Variants in BANK1 observed in about 807,000 individuals in gnomAD.
The protein encoded by BANK1 is B cell scaffold protein with ankyrin repeats 1.
BANK1 carries 95 observed loss-of-function variants against 94.5 expected under a neutral mutation model. The ratio of observed to expected loss-of-function variants is 1.00; its 90% CI spans 0.85 to 1.19. BANK1 has a LOEUF of 1.19. BANK1 is among the 50% of genes most tolerant of loss of function. The probability of loss-of-function intolerance (pLI) is 0.00; values close to 1 mark genes in which losing one functional copy is unlikely to be tolerated. For synonymous variants in BANK1, 334 were observed against 308.4 expected, an observed-to-expected ratio of 1.08 and a Z score of -0.87; for missense variants, 987 against 932.2, an observed-to-expected ratio of 1.06 and a Z score of -0.77.
intron 4 of BANK1, among the ~76,000 whole-genome samples, chr4:101,867,392 C>T (rs1030244860): frequency 2.2e-4 from 34 of 151,752 alleles, no homozygotes; most frequent in Admixed American, 5.2e-4. Flanking sequence ...AGCAGACCTG[C>T]CCTGCAAGAA....
intron 1 of BANK1, among the ~76,000 whole-genome samples, chr4:101,822,494 G>T (rs1726199426): frequency 6.6e-6 from 1 of 151,964 alleles, no homozygotes; most frequent in Non-Finnish European, 1.5e-5. Context: ...TTATTCAAAT[G>T]CTCTAAAGTT....
intron 2 of BANK1, among the ~76,000 whole-genome samples, chr4:101,853,446 G>C (rs1727566553): frequency 6.6e-6 from 1 of 152,100 alleles, no homozygotes; most frequent in African/African-American, 2.4e-5. Flanking sequence ...CTTAGCCAAA[G>C]AGCACCAGGA....
chr4:101,959,721 G>A (rs1724499671), intron 7 of BANK1, among the ~76,000 whole-genome samples: 1 of 152,214 alleles, frequency 6.6e-6, no homozygotes, highest in Non-Finnish European at 1.5e-5. Flanking sequence ...GAATAGAAGT[G>A]ATGCCTGCTC....
chr4:102,071,230 A>G (rs1578493123), intron 13 of BANK1, 45 bp from the exon 14 acceptor site: 2 of 1,592,324 alleles, frequency 1.3e-6, no homozygotes, highest in African/African-American at 2.7e-5. Flanking sequence ...TTTAAGATAA[A>G]TATTGAACAA....
At chr4:102,066,952 T>C (rs1560718353) in intron 13 of BANK1, among the ~76,000 whole-genome samples, 1 of 152,144 alleles carries the variant, frequency 6.6e-6, no homozygotes, top group African/African-American at 2.4e-5. Context: ...GAATTATATG[T>C]TTCCAAAATT....
intron 1 of BANK1, among the ~76,000 whole-genome samples, chr4:101,793,633 C>T (rs1447330649): frequency 6.6e-6 from 1 of 152,098 alleles, no homozygotes; most frequent in African/African-American, 2.4e-5. Flanking sequence ...CAGATCTAGT[C>T]CCAGCTTCAT....
intron 7 of BANK1, among the ~76,000 whole-genome samples, chr4:102,010,030 G>T (rs1396658610): frequency 6.6e-6 from 1 of 152,140 alleles, no homozygotes; most frequent in Non-Finnish European, 1.5e-5. Context: ...ACTTTGGGAG[G>T]CTAAGGTGGG....
chr4:101,938,173 C>A (rs1462751139), intron 7 of BANK1, among the ~76,000 whole-genome samples: 1 of 151,652 alleles, frequency 6.6e-6, no homozygotes, highest in Non-Finnish European at 1.5e-5. Flanking sequence ...ACCACCATGG[C>A]ACGTGTATAC....
chr4:101,992,695 A>G (rs1725749012), intron 7 of BANK1, among the ~76,000 whole-genome samples: 1 of 152,208 alleles, frequency 6.6e-6, no homozygotes, highest in Non-Finnish European at 1.5e-5. Flanking sequence ...TAAATAAAGA[A>G]CAAGATGATA....
At chr4:102,051,010 A>G (rs1283689654) in intron 11 of BANK1, among the ~76,000 whole-genome samples, 3 of 152,184 alleles carry the variant, frequency 2.0e-5, no homozygotes, top group Non-Finnish European at 4.4e-5. Flanking sequence ...GTAGGGCAGG[A>G]GTGTGCCTAC....
At chr4:101,934,256 A>T (rs549896497) in intron 7 of BANK1, among the ~76,000 whole-genome samples, 12 of 151,382 alleles carry the variant, frequency 7.9e-5, no homozygotes, top group East Asian at 5.9e-4. Flanking sequence ...TTTTTTTTTT[A>T]AAAGACTGCA....
intron 4 of BANK1, among the ~76,000 whole-genome samples, chr4:101,865,125 A>G (rs914616311): frequency 2.6e-5 from 4 of 152,120 alleles, no homozygotes; most frequent in Non-Finnish European, 5.9e-5. Flanking sequence ...ATTAGTTCAA[A>G]GTATGCAGCA....
intron 7 of BANK1, among the ~76,000 whole-genome samples, chr4:101,933,615 CAAAG>C (rs935753980): frequency 6.6e-6 from 1 of 151,330 alleles, no homozygotes; most frequent in Non-Finnish European, 1.5e-5. Context: ...TGATGACTGT[CAAAG>C]AAAATGTTGA....
chr4:101,997,275 G>A (rs376581218), intron 7 of BANK1, among the ~76,000 whole-genome samples: 4 of 152,136 alleles, frequency 2.6e-5, no homozygotes, highest in Admixed American at 1.3e-4. Context: ...TCCCAGTGAC[G>A]AAGCCGACTT....
At chr4:101,856,155 TG>T (rs915984015) in intron 3 of BANK1, among the ~76,000 whole-genome samples, 1 of 151,952 alleles carries the variant, frequency 6.6e-6, no homozygotes, top group Non-Finnish European at 1.5e-5. Context: ...CTGATGGAGG[TG>T]GAATATCCTG....
intron 7 of BANK1, among the ~76,000 whole-genome samples, 166 bp downstream of exon 7, chr4:101,918,355 A>G (rs898287423): frequency 1.3e-4 from 19 of 151,970 alleles, no homozygotes; most frequent in African/African-American, 4.3e-4. Flanking sequence ...CAGAAAAACA[A>G]TTTGATAATA....
intron 6 of BANK1, among the ~76,000 whole-genome samples, chr4:101,910,069 C>A (rs1427016666): frequency 6.6e-6 from 1 of 152,110 alleles, no homozygotes; most frequent in East Asian, 1.9e-4. Context: ...TAGAACCAAG[C>A]CCCTGTTCTT....
At chr4:101,966,377 T>A (rs999040153) in intron 7 of BANK1, among the ~76,000 whole-genome samples, 18 of 152,122 alleles carry the variant, frequency 1.2e-4, no homozygotes, top group African/African-American at 4.3e-4. Flanking sequence ...TCTATGAAAA[T>A]AATAGTTGGA....
At chr4:101,906,184 C>G (rs377359087) in intron 6 of BANK1, among the ~76,000 whole-genome samples, 2 of 152,144 alleles carry the variant, frequency 1.3e-5, no homozygotes, top group Non-Finnish European at 2.9e-5. Context: ...GTAAGAGTGT[C>G]CCAGTCAGTA....
Sources: gnomAD v4.1 joint callset for allele counts (sites outside exome capture counted in the v4.1 genomes callset) on GRCh38, gnomAD v4.1.1 for gene constraint, MANE v1.5 for transcripts, NCBI Gene and HGNC (gene_info 2026-07-23, HGNC 2026-07-21) for gene names.